Variants in DLGAP2 observed in about 807,000 individuals in gnomAD.
The protein encoded by DLGAP2 is disks large-associated protein 2.
Under a neutral mutation model 100.3 loss-of-function variants are expected in DLGAP2, and 26 were observed. The ratio of observed to expected loss-of-function variants is 0.26; its 90% CI spans 0.19 to 0.36. The LOEUF (loss-of-function observed/expected upper bound fraction) is 0.36, where lower values mean the gene tolerates loss of function less well. Among genes scored for constraint, DLGAP2 ranks in the 10% least tolerant of loss-of-function variants. The probability of loss-of-function intolerance (pLI) is 1.00; values close to 1 mark genes in which losing one functional copy is unlikely to be tolerated. For missense variants in DLGAP2, 1,858 were observed against 1,453.2 expected (o/e 1.28, Z -4.53); for synonymous variants, 886 against 630.1 (o/e 1.41, Z -6.08).
Position 1,549,613 on chromosome 8 carries a change from C to G in DLGAP2, c.1160C>G (p.Ser387Trp). 6.3e-7 allele frequency: 1 copy of G among 1,589,028 alleles called. No individual in the cohort carries two copies. The highest frequency in any genetic ancestry group is 8.5e-7 in the Non-Finnish European group (1 of 1,170,408). Residue 387 changes from serine to tryptophan, a missense_variant, in exon 5 of 15, where the codon TCG becomes TGG. Ser to Trp is a radical substitution (Grantham distance 177, BLOSUM62 -3). Transcript: ENST00000637795. Reference sequence around the variant, plus strand: ...GCCAAGGAGGCCTACCGCAAGAGCTCGCTGAACCTGGACAAGCCGCTGCTG... The same window carrying G: ...GCCAAGGAGGCCTACCGCAAGAGCTGGCTGAACCTGGACAAGCCGCTGCTG... Reference protein sequence around the residue: ...SQAKEAYRKSSLNLDKPLLHQ... With the variant: ...SQAKEAYRKSWLNLDKPLLHQ...
intron 1 of DLGAP2, among the ~76,000 whole-genome samples, chr8:833,437 C>G (rs754372152): frequency 6.6e-6 from 1 of 152,184 alleles, no homozygotes; most frequent in Non-Finnish European, 1.5e-5. Context: ...TGTTTCTCAG[C>G]GTTTCCCAGC....
intron 4 of DLGAP2, among the ~76,000 whole-genome samples, chr8:1,506,516 AAGG>A (rs1799922324): frequency 6.6e-6 from 1 of 152,194 alleles, no homozygotes; most frequent in African/African-American, 2.4e-5. Context: ...CAGCTCATAA[AAGG>A]AGTGCGGACC....
At chr8:1,302,180 CATACCT>C (rs1800361528) in intron 3 of DLGAP2, 2 of 152,184 alleles carry the variant, frequency 1.3e-5, no homozygotes, top group African/African-American at 4.8e-5. Context: ...AGCTCTGCTC[CATACCT>C]GGGACCGGAC....
intron 2 of DLGAP2, among the ~76,000 whole-genome samples, chr8:1,099,134 GT>G (rs1804496895): frequency 6.6e-6 from 1 of 152,134 alleles, no homozygotes; most frequent in Non-Finnish European, 1.5e-5. Flanking sequence ...AGCCTCGCCG[GT>G]GTTCCTGGCT....
At chr8:1,210,573 G>A (rs888901205) in intron 2 of DLGAP2, among the ~76,000 whole-genome samples, 1 of 152,222 alleles carries the variant, frequency 6.6e-6, no homozygotes, top group Non-Finnish European at 1.5e-5. Flanking sequence ...GGAGTGTACA[G>A]AGAAGTTTCT....
Position 1,170,411 on chromosome 8 carries a change from G to A in DLGAP2, c.74-88440G>A, listed in dbSNP as rs1218857873. 2.6e-5 allele frequency among the ~76,000 whole-genome samples: 4 copies of A among 152,258 alleles called. No individual in the cohort carries two copies. The East Asian group carries it at 7.7e-4, about 29-fold the overall frequency. The stretch of plus-strand genomic sequence containing the variant: ...TGCTGGCCTCATAAAATGAGTTAGG[G>A]AGGATTCCCTCTTTTTCTGTTGATT... On this transcript the variant is annotated intron_variant, in intron 2 of 14. Coordinates refer to ENST00000637795, the MANE Select transcript of DLGAP2 (RefSeq NM_001346810.2).
intron 2 of DLGAP2, among the ~76,000 whole-genome samples, chr8:1,059,392 T>C (rs1802984277): frequency 6.6e-6 from 1 of 152,076 alleles, no homozygotes; most frequent in Non-Finnish European, 1.5e-5. Flanking sequence ...GGAGCCGCAC[T>C]CCTGAGCCCG....
At chr8:1,244,069 T>C (rs571167253) in intron 2 of DLGAP2, among the ~76,000 whole-genome samples, 1 of 152,072 alleles carries the variant, frequency 6.6e-6, no homozygotes, top group South Asian at 2.1e-4. Context: ...ACCGTAGGGA[T>C]GGTGGGTGTC....
intron 1 of DLGAP2, among the ~76,000 whole-genome samples, chr8:886,852 G>T (rs1364909235): frequency 6.6e-6 from 1 of 152,188 alleles, no homozygotes. Flanking sequence ...CTGTTGATTG[G>T]GGGTAGAGAG....
intron 2 of DLGAP2, among the ~76,000 whole-genome samples, chr8:974,967 A>G (rs1464178858): frequency 1.3e-5 from 2 of 152,220 alleles, no homozygotes; most frequent in African/African-American, 4.8e-5. Flanking sequence ...GTTCTTTGAA[A>G]AGATCAAAAC....
chr8:774,454 T>A (rs1821454705), intron 1 of DLGAP2, among the ~76,000 whole-genome samples: 1 of 152,096 alleles, frequency 6.6e-6, no homozygotes, highest in African/African-American at 2.4e-5. Flanking sequence ...AATGCCTAGG[T>A]TTTCTTCTAG....
intron 3 of DLGAP2, among the ~76,000 whole-genome samples, chr8:1,479,036 A>G (rs755116420): frequency 2.0e-5 from 3 of 152,264 alleles, no homozygotes; most frequent in African/African-American, 7.2e-5. Context: ...AACAATCGAA[A>G]GGAGCACCTG....
At chr8:830,298 A>G (rs147253738) in intron 1 of DLGAP2, among the ~76,000 whole-genome samples, 2,633 of 152,316 alleles carry the variant, frequency 0.017, 73 homozygotes, top group African/African-American at 0.06. Flanking sequence ...CCTTTTTGTT[A>G]CAAACAATCC....
At chr8:770,176 A>C (rs1554559020) in intron 1 of DLGAP2, among the ~76,000 whole-genome samples, 1 of 152,174 alleles carries the variant, frequency 6.6e-6, no homozygotes, top group Non-Finnish European at 1.5e-5. Context: ...TGCACAGCAC[A>C]GTGTTGCTAC....
chr8:793,678 A>G lies in DLGAP2; in HGVS notation c.18+55853A>G, dbSNP rs375019707. ...TTGTCTAATCTTTGCATTTTGTGCA[A>G]TTTCCTTATAGATTTCCCTGACGGA... On this transcript the variant is annotated intron_variant, in intron 1 of 14. Transcript: ENST00000637795. 2.2e-4 allele frequency among the ~76,000 whole-genome samples: 33 copies of G among 152,146 alleles called. 2 individuals are homozygous for G. The South Asian group carries it at 4.4e-3, about 20-fold the overall frequency.
intron 4 of DLGAP2, among the ~76,000 whole-genome samples, chr8:1,507,882 T>A (rs1347160046): frequency 7.6e-6 from 1 of 132,098 alleles, no homozygotes; most frequent in African/African-American, 3.3e-5. Context: ...GGCTTCAGCC[T>A]TGACCTTCCT....
At chr8:1,332,007 C>G (rs1801168108) in intron 3 of DLGAP2, among the ~76,000 whole-genome samples, 1 of 152,340 alleles carries the variant, frequency 6.6e-6, no homozygotes, top group Admixed American at 6.5e-5. Flanking sequence ...GCTGGCAGCA[C>G]ACGGCAGCGC....
chr8:1,337,962 A>G (rs1801328051), intron 3 of DLGAP2, among the ~76,000 whole-genome samples: 1 of 152,212 alleles, frequency 6.6e-6, no homozygotes, highest in South Asian at 2.1e-4. Context: ...TCGTTACAAA[A>G]ATTCAAATCA....
intron 2 of DLGAP2, 64 bp from the exon 3 acceptor site, chr8:1,258,787 A>C: frequency 8.2e-7 from 1 of 1,216,964 alleles, no homozygotes; most frequent in Non-Finnish European, 1.0e-6. Context: ...CTGATGTTGA[A>C]TCTTTTTAAC....
Sources: gnomAD v4.1 joint callset for allele counts (sites outside exome capture counted in the v4.1 genomes callset) on GRCh38, gnomAD v4.1.1 for gene constraint, MANE v1.5 for transcripts, NCBI Gene and HGNC (gene_info 2026-07-23, HGNC 2026-07-21) for gene names.